Variants in PATL2 observed in about 807,000 individuals in gnomAD.
PATL2 encodes PAT1 homolog 2, also known as protein PAT1 homolog 2.
Under a neutral mutation model 77.0 loss-of-function variants are expected in PATL2, and 73 were observed. That is an observed-to-expected ratio of 0.95 (90% CI 0.78 to 1.15). PATL2 has a LOEUF of 1.15. Ranked by LOEUF, PATL2 falls within the 50% of genes most tolerant of loss-of-function variation. PATL2 has a pLI of 0.00. For missense variants in PATL2, 618 were observed against 655.4 expected (o/e 0.94, Z 0.62); for synonymous variants, 265 against 257.1 (o/e 1.03, Z -0.29).
In PATL2 at chr15:44,672,515, C is replaced by T. The variant is rs547209158; in HGVS notation, c.447-59G>A. 2.7e-5 allele frequency: 40 copies of T among 1,477,108 alleles called. No individual in the cohort carries two copies. The South Asian group carries it at 4.5e-4, about 17-fold the overall frequency. The allele number at this position is 1,477,108 out of a possible 1,614,324, so 91.5% of individuals were successfully genotyped here. ...GGAAGCTCTCAGTTCTCTGCCCCCT[C>T]CATTCATTCAGCCCAGGTCAGCTCT... On this transcript the variant is annotated intron_variant, in intron 7 of 17. Transcript: ENST00000682850.
intron 7 of PATL2, among the ~76,000 whole-genome samples, chr15:44,672,790 C>T (rs1454362662): frequency 2.0e-5 from 3 of 152,176 alleles, no homozygotes; most frequent in Admixed American, 6.5e-5. Flanking sequence ...GAGACAGTCT[C>T]CCTCTGTCAT....
intron 3 of PATL2, among the ~76,000 whole-genome samples, chr15:44,702,915 G>A (rs968944554): frequency 5.9e-5 from 9 of 151,978 alleles, no homozygotes; most frequent in African/African-American, 1.9e-4. Flanking sequence ...CTATCCTTGA[G>A]AATGATCCAT....
chr15:44,674,400 C>CCT (rs1419348962), intron 5 of PATL2, 170 bp from the exon 6 acceptor site: 1 of 595,822 alleles, frequency 1.7e-6, no homozygotes, highest in Non-Finnish European at 3.0e-6. Flanking sequence ...GGCCAGGATC[C>CCT]CTCTCCCTCT....
intron 3 of PATL2, among the ~76,000 whole-genome samples, chr15:44,700,059 T>C (rs549760646): frequency 1.3e-5 from 2 of 152,190 alleles, no homozygotes; most frequent in Admixed American, 1.3e-4. Flanking sequence ...TTTGATAGGG[T>C]TTACATTGAA....
chr15:44,693,471 C>T (rs1265221985), intron 3 of PATL2, among the ~76,000 whole-genome samples: 1 of 152,184 alleles, frequency 6.6e-6, no homozygotes, highest in African/African-American at 2.4e-5. Context: ...ACATCTCCCT[C>T]TGACTACCAT....
At chr15:44,684,092 G>T (rs553924699) in intron 3 of PATL2, among the ~76,000 whole-genome samples, 1 of 151,446 alleles carries the variant, frequency 6.6e-6, no homozygotes, top group Non-Finnish European at 1.5e-5. Context: ...CCATCCGAAG[G>T]TTACCAACAT....
chr15:44,666,605 G>A (rs2085384505), intron 16 of PATL2, 64 bp from the exon 17 acceptor site: 14 of 1,425,896 alleles, frequency 9.8e-6, no homozygotes, highest in Non-Finnish European at 1.3e-5. Context: ...CAGGGCCAAG[G>A]TTTCTTATTA....
At chr15:44,668,583 G>A (rs897358616) in intron 14 of PATL2, 101 bp from the exon 15 acceptor site, 84 of 1,406,800 alleles carry the variant, frequency 6.0e-5, no homozygotes, top group Middle Eastern at 2.5e-4. Context: ...TCTTTGGCAC[G>A]TCCTGGTGAG....
intron 3 of PATL2, among the ~76,000 whole-genome samples, chr15:44,681,018 A>G (rs2086122554): frequency 6.6e-6 from 1 of 152,066 alleles, no homozygotes; most frequent in Admixed American, 6.6e-5. Flanking sequence ...TACCATTACC[A>G]GTGATTTTTC....
intron 3 of PATL2, among the ~76,000 whole-genome samples, chr15:44,692,372 CA>C (rs1015907437): frequency 2.6e-5 from 4 of 151,756 alleles, no homozygotes; most frequent in Admixed American, 6.6e-5. Context: ...AAATAGCAAA[CA>C]AAAAATACCC....
At chr15:44,702,014 C>T (rs571059316) in intron 3 of PATL2, among the ~76,000 whole-genome samples, 1 of 152,174 alleles carries the variant, frequency 6.6e-6, no homozygotes, top group East Asian at 1.9e-4. Context: ...ACACCTATCA[C>T]CAGGCCCCAC....
At chr15:44,672,724 T>C (rs2085750785) in intron 7 of PATL2, among the ~76,000 whole-genome samples, 2 of 152,188 alleles carry the variant, frequency 1.3e-5, no homozygotes, top group South Asian at 4.1e-4. Context: ...TTCTGAATAG[T>C]AGTCTCAGTT....
chr15:44,692,790 A>G (rs1235616052), intron 3 of PATL2, among the ~76,000 whole-genome samples: 1 of 152,278 alleles, frequency 6.6e-6, no homozygotes, highest in African/African-American at 2.4e-5. Context: ...CACTGGCAAC[A>G]GCAGGTAGAG....
At chr15:44,666,774 T>G in intron 16 of PATL2, 2 of 531,920 alleles carry the variant, frequency 3.8e-6, no homozygotes, top group South Asian at 5.5e-5. Flanking sequence ...CATCCCTAGT[T>G]TGTAGATAAA....
chr15:44,688,662 A>G (rs2086317533), intron 3 of PATL2, among the ~76,000 whole-genome samples: 2 of 152,236 alleles, frequency 1.3e-5, no homozygotes, highest in Admixed American at 1.3e-4. Flanking sequence ...ATCCATATGC[A>G]GAAAACTGAA....
chr15:44,673,330 G>A lies in PATL2; in HGVS notation c.351C>T (p.Ser117=). The A allele has an allele frequency of 6.4e-7, 1 of 1,551,710 alleles. No individual in the cohort carries two copies. Among genetic ancestry groups the A allele is most frequent in the South Asian group, 1.2e-5 (1 of 84,066 alleles). Residue 117 remains serine (S), a synonymous_variant, in exon 7 of 18, where the codon AGC becomes AGT. Coordinates refer to ENST00000682850, the MANE Select transcript of PATL2 (RefSeq NM_001387263.1). ...CAAAGTGCTGTGCTGGAGAGCTGGT[G>A]CTGGGAAATGTAGGCCAGAAAGGGA... ...SPIPFWPTFP[S]TSSPAQHFGP...
intron 3 of PATL2, 153 bp from the exon 4 acceptor site, chr15:44,676,718 A>C: frequency 8.2e-7 from 1 of 1,218,494 alleles, no homozygotes; most frequent in Non-Finnish European, 1.1e-6. Context: ...GACTGCCATA[A>C]ACACCCACCC....
At chr15:44,691,675 A>T (rs916046158) in intron 3 of PATL2, among the ~76,000 whole-genome samples, 2 of 151,440 alleles carry the variant, frequency 1.3e-5, no homozygotes, top group African/African-American at 2.4e-5. Flanking sequence ...AAAAAAAAAA[A>T]TTAAATTAAA....
At chr15:44,668,859 G>T (rs2085515262) in intron 14 of PATL2, 121 bp downstream of exon 14, 2 of 1,231,348 alleles carry the variant, frequency 1.6e-6, no homozygotes, top group Non-Finnish European at 2.2e-6. Flanking sequence ...GGCAAGGCCA[G>T]CATCCCTCGC....
Sources: gnomAD v4.1 joint callset for allele counts (sites outside exome capture counted in the v4.1 genomes callset) on GRCh38, gnomAD v4.1.1 for gene constraint, MANE v1.5 for transcripts, NCBI Gene and HGNC (gene_info 2026-07-23, HGNC 2026-07-21) for gene names.